PCDHA2: variants seen among roughly 807,000 people sequenced by gnomAD.
The protein encoded by PCDHA2 is protocadherin alpha 2.
Under a neutral mutation model 66.0 loss-of-function variants are expected in PCDHA2, and 58 were observed. The observed-to-expected ratio is 0.88, with a 90% CI of 0.71 to 1.09. The LOEUF (loss-of-function observed/expected upper bound fraction) is 1.09, where lower values mean the gene tolerates loss of function less well. PCDHA2 is among the 50% of genes least tolerant of loss of function. The probability of loss-of-function intolerance (pLI) is 0.00; values close to 1 mark genes in which losing one functional copy is unlikely to be tolerated. For synonymous variants in PCDHA2, 634 were observed against 554.0 expected (o/e 1.14, Z -2.03); for missense variants, 1,267 against 1,242.3 (o/e 1.02, Z -0.30).
intron 1 of PCDHA2, chr5:140,814,733 T>C (rs1765577214): frequency 6.6e-6 from 1 of 152,206 alleles, no homozygotes; most frequent in African/African-American, 2.4e-5. Flanking sequence ...TTCAGCTCCA[T>C]TATAATCTTA....
In PCDHA2 at chr5:140,839,228, G is replaced by C. The variant is rs773394985; in HGVS notation, c.2388+41876G>C. ...ACCTTCAAAGATGTAACTGTAATCT[G>C]TTTTTATTGCTTTGCTTTTATGCTT... On this transcript the variant is annotated intron_variant, in intron 1 of 3. Coordinates refer to ENST00000526136, the MANE Select transcript of PCDHA2 (RefSeq NM_018905.3). Among the ~76,000 whole-genome samples the C allele has an allele frequency of 4.0e-5, 6 of 151,740 alleles. 1 individual carries two copies. Among genetic ancestry groups the C allele is most frequent in the Non-Finnish European group, 8.8e-5 (6 of 67,928 alleles).
At chr5:140,941,063 TG>T (rs1554213711) in intron 1 of PCDHA2, among the ~76,000 whole-genome samples, 2 of 152,194 alleles carry the variant, frequency 1.3e-5, no homozygotes, top group East Asian at 3.8e-4. Context: ...AGCAGTTTTC[TG>T]GGCTGGAGAG....
intron 1 of PCDHA2, chr5:140,816,694 T>A (rs1309487949): frequency 6.6e-6 from 1 of 152,210 alleles, no homozygotes; most frequent in Non-Finnish European, 1.5e-5. Flanking sequence ...TCTTTACTAA[T>A]CAGGCTGGCT....
chr5:140,886,422 T>G (rs930235903), intron 1 of PCDHA2, among the ~76,000 whole-genome samples: 1 of 152,240 alleles, frequency 6.6e-6, no homozygotes, highest in Non-Finnish European at 1.5e-5. Flanking sequence ...TCCTATATTA[T>G]TTCTATTCAT....
At chr5:140,860,138 T>C (rs2046209991) in intron 1 of PCDHA2, 2 of 150,752 alleles carry the variant, frequency 1.3e-5, no homozygotes, top group Admixed American at 1.3e-4. Flanking sequence ...TGTGTGTATA[T>C]ATATGTATAT....
chr5:140,993,661 A>G (rs902592339), intron 3 of PCDHA2, among the ~76,000 whole-genome samples: 1 of 152,182 alleles, frequency 6.6e-6, no homozygotes, highest in African/African-American at 2.4e-5. Flanking sequence ...TTGGTTAACA[A>G]TGGACCACAT....
intron 3 of PCDHA2, among the ~76,000 whole-genome samples, chr5:140,996,183 T>C (rs1360004898): frequency 6.6e-6 from 1 of 152,232 alleles, no homozygotes; most frequent in African/African-American, 2.4e-5. Context: ...AGCACCTCCA[T>C]TTTATACCCT....
chr5:140,993,406 T>G (rs1382987714), intron 3 of PCDHA2, among the ~76,000 whole-genome samples: 2 of 150,884 alleles, frequency 1.3e-5, no homozygotes, highest in Non-Finnish European at 2.9e-5. Context: ...TTAACCACCT[T>G]CATCAGCATT....
chr5:140,839,667 G>A (rs1375568663), intron 1 of PCDHA2, among the ~76,000 whole-genome samples: 4 of 152,038 alleles, frequency 2.6e-5, no homozygotes, highest in African/African-American at 4.8e-5. Context: ...CTACTATTTA[G>A]AGTCAACTAC....
chr5:140,991,033 TACTTA>T (rs567583919), intron 3 of PCDHA2, among the ~76,000 whole-genome samples: 53 of 152,330 alleles, frequency 3.5e-4, no homozygotes, highest in African/African-American at 1.3e-3. Context: ...ATATGTTGCA[TACTTA>T]ACTTTGAGAG....
At chr5:140,840,330 G>A (rs1554137772) in intron 1 of PCDHA2, among the ~76,000 whole-genome samples, 1 of 151,878 alleles carries the variant, frequency 6.6e-6, no homozygotes, top group African/African-American at 2.4e-5. Flanking sequence ...TCATTTTCTA[G>A]GCAATGTTAG....
chr5:140,966,216 C>T (rs1189015388), intron 1 of PCDHA2: 1 of 247,072 alleles, frequency 4.0e-6, no homozygotes, highest in African/African-American at 2.2e-5. Flanking sequence ...TTTTCCCAGA[C>T]TAATCTCCTT....
chr5:140,924,978 T>A (rs2082232142), intron 1 of PCDHA2, among the ~76,000 whole-genome samples: 1 of 151,330 alleles, frequency 6.6e-6, no homozygotes, highest in Non-Finnish European at 1.5e-5. Flanking sequence ...CAGTGGCTCA[T>A]GTCTGTAATC....
intron 1 of PCDHA2, chr5:140,803,307 A>G (rs782683295): frequency 5.6e-6 from 9 of 1,614,134 alleles, no homozygotes; most frequent in South Asian, 4.4e-5. Flanking sequence ...GATCGTCGCC[A>G]TCTGCGCGGT....
chr5:140,902,956 G>A (rs1356131798), intron 1 of PCDHA2, among the ~76,000 whole-genome samples: 3 of 152,242 alleles, frequency 2.0e-5, no homozygotes, highest in Non-Finnish European at 4.4e-5. Context: ...TTATCCACTT[G>A]TTGGCTGATG....
intron 1 of PCDHA2, among the ~76,000 whole-genome samples, chr5:140,941,126 G>T (rs1194807243): frequency 6.6e-6 from 1 of 151,906 alleles, no homozygotes; most frequent in Non-Finnish European, 1.5e-5. Flanking sequence ...GTCCTTTGAA[G>T]TTCCAGCTTA....
intron 1 of PCDHA2, among the ~76,000 whole-genome samples, chr5:140,820,411 T>C (rs2150106825): frequency 0.077 from 11,651 of 152,094 alleles, 630 homozygotes; most frequent in Non-Finnish European, 0.11. Flanking sequence ...ATTTTAAATG[T>C]AAAAGTATCC....
At chr5:140,967,942 A>G in intron 1 of PCDHA2, 1 of 1,614,226 alleles carries the variant, frequency 6.2e-7, no homozygotes, top group Non-Finnish European at 8.5e-7. Context: ...TCAATGACCA[A>G]GACTCAGGCC....
intron 1 of PCDHA2, chr5:140,870,277 G>C: frequency 6.2e-7 from 1 of 1,614,168 alleles, no homozygotes; most frequent in South Asian, 1.1e-5. Flanking sequence ...GACGCCCCAC[G>C]TTCCCTTCAA....
Sources: gnomAD v4.1 joint callset for allele counts (sites outside exome capture counted in the v4.1 genomes callset) on GRCh38, gnomAD v4.1.1 for gene constraint, MANE v1.5 for transcripts, NCBI Gene and HGNC (gene_info 2026-07-23, HGNC 2026-07-21) for gene names.